Variants in UAP1 observed in about 807,000 individuals in gnomAD.
UAP1 encodes UDP-N-acetylhexosamine pyrophosphorylase.
Under a neutral mutation model 58.5 loss-of-function variants are expected in UAP1, and 25 were observed. The ratio of observed to expected loss-of-function variants is 0.43; its 90% confidence interval spans 0.31 to 0.60. The LOEUF is 0.60. Ranked by LOEUF, UAP1 falls within the 20% of genes least tolerant of loss-of-function variation. The pLI is 0.11. For missense variants in UAP1, 575 were observed against 630.0 expected, an observed-to-expected ratio of 0.91 and a Z score of 0.93; for synonymous variants, 208 against 213.0, an observed-to-expected ratio of 0.98 and a Z score of 0.21.
intron 9 of UAP1, among the ~76,000 whole-genome samples, chr1:162,595,310 G>A (rs1655552581): frequency 1.3e-5 from 2 of 152,050 alleles, no homozygotes; most frequent in Non-Finnish European, 2.9e-5. Flanking sequence ...TGTTTCTTGG[G>A]TTCACAACCA....
chr1:162,565,978 T>A, intron 1 of UAP1, 34 bp from the exon 2 acceptor site: 1 of 1,405,378 alleles, frequency 7.1e-7, no homozygotes, highest in South Asian at 1.4e-5. Context: ...GGAGGTTGGA[T>A]TTTGACATGC....
chr1:162,581,950 A>G (rs1054807093), intron 5 of UAP1, among the ~76,000 whole-genome samples: 1 of 152,220 alleles, frequency 6.6e-6, no homozygotes, highest in African/African-American at 2.4e-5. Flanking sequence ...TTGAATGACC[A>G]CACACAGACT....
At chr1:162,573,790 C>A (rs1297286328) in intron 2 of UAP1, among the ~76,000 whole-genome samples, 1 of 151,930 alleles carries the variant, frequency 6.6e-6, no homozygotes, top group African/African-American at 2.4e-5. Flanking sequence ...CATGGTGAGA[C>A]CCCTGTCTAC....
Position 162,589,299 on chromosome 1 carries a change from ATT to A in UAP1, c.1169+467_1169+468del, listed in dbSNP as rs1655154169. On this transcript the variant is annotated intron_variant, in intron 7 of 10. Coordinates refer to ENST00000271469, the Ensembl canonical transcript of UAP1. Reference sequence around the variant, plus strand: ...ATATATATAAATATATATTGTTTATATTATATATATAAATAAATATATATTTA... The same window carrying A: ...ATATATATAAATATATATTGTTTATAATATATATAAATAAATATATATTTA... Among the ~76,000 whole-genome samples, 5 of 134,034 alleles carry A rather than the reference ATT, an allele frequency of 3.7e-5. No individual in the cohort carries two copies. The South Asian group carries it at 1.1e-3, about 29-fold the overall frequency. The allele number at this position is 134,034 out of a possible 152,430, so 87.9% of individuals were successfully genotyped here.
intron 5 of UAP1, among the ~76,000 whole-genome samples, chr1:162,586,175 A>T (rs556727431): frequency 1.6e-4 from 24 of 152,318 alleles, no homozygotes; most frequent in African/African-American, 5.8e-4. Flanking sequence ...TATTTTAAGA[A>T]ATCAGTTGTT....
intron 1 of UAP1, 130 bp from the exon 2 acceptor site, chr1:162,565,882 T>C (rs1418271305): frequency 3.3e-6 from 2 of 609,486 alleles, no homozygotes; most frequent in South Asian, 2.1e-5. Context: ...CTTACAAATA[T>C]TGAGTGATGG....
At chr1:162,575,886 T>C (rs1654150200) in intron 2 of UAP1, among the ~76,000 whole-genome samples, 2 of 152,108 alleles carry the variant, frequency 1.3e-5, no homozygotes, top group East Asian at 3.9e-4. Context: ...TTTCGCTATG[T>C]TGGCCAGACT....
chr1:162,592,381 T>A (rs980331335), intron 8 of UAP1, among the ~76,000 whole-genome samples: 6 of 152,060 alleles, frequency 3.9e-5, no homozygotes, highest in Non-Finnish European at 8.8e-5. Flanking sequence ...AGAGTGAGAC[T>A]CCATCTCAAG....
chr1:162,588,894 T>TC, intron 7 of UAP1, 61 bp downstream of exon 7: 1 of 1,503,502 alleles, frequency 6.7e-7, no homozygotes, highest in Non-Finnish European at 8.9e-7. Context: ...CTTTTCACTC[T>TC]CTTAGGCATG....
exon 11 of UAP1, chr1:162,599,648 G>T (rs987593472): frequency 1.6e-5 from 4 of 250,484 alleles, no homozygotes; most frequent in Non-Finnish European, 3.0e-5. Flanking sequence ...TGAAATATAG[G>T]CAGGATGTTC....
chr1:162,593,180 C>A lies in UAP1; in HGVS notation c.1409+398C>A, dbSNP rs76120152. The A allele has an allele frequency of 2.4e-3, 440 of 187,182 alleles. 7 individuals are homozygous for A. The East Asian group carries it at 0.052, about 22-fold the overall frequency. The allele number at this position is 187,182 out of a possible 1,614,324, so 11.6% of individuals were successfully genotyped here. On this transcript the variant is annotated intron_variant, in intron 9 of 10. Coordinates refer to ENST00000271469, the Ensembl canonical transcript of UAP1. ...GAATTGGGTGTATGCTCTCAGTATACAGGCTGATTGTTCCTGTCATATTTG... is the reference window on the plus strand; with the variant it reads ...GAATTGGGTGTATGCTCTCAGTATAAAGGCTGATTGTTCCTGTCATATTTG...
chr1:162,592,842 A>C, intron 9 of UAP1, 60 bp downstream of exon 9: 3 of 1,426,436 alleles, frequency 2.1e-6, no homozygotes, highest in Non-Finnish European at 2.9e-6. Context: ...CTCCATACTA[A>C]CTGGCATCGT....
At chr1:162,582,493 A>G (rs1654650104) in intron 5 of UAP1, among the ~76,000 whole-genome samples, 1 of 152,228 alleles carries the variant, frequency 6.6e-6, no homozygotes, top group Non-Finnish European at 1.5e-5. Context: ...TTTATAAAAT[A>G]TGGCATTTTG....
Position 162,589,221 on chromosome 1 carries a change from T to TATAA in UAP1, c.1169+388_1169+389insATAA, listed in dbSNP as rs1344270858. ...ATATTATATTTAAATATATATAATA[T>TATAA]TTATATATTATATATAAATTTATAG... On this transcript the variant is annotated intron_variant, in intron 7 of 10. Transcript: ENST00000271469. Among the ~76,000 whole-genome samples the TATAA allele has an allele frequency of 2.3e-3, 273 of 116,280 alleles. 6 individuals are homozygous for TATAA. The East Asian group carries it at 0.049, about 21-fold the overall frequency. The allele number at this position is 116,280 out of a possible 152,430, so 76.3% of individuals were successfully genotyped here.
intron 2 of UAP1, among the ~76,000 whole-genome samples, chr1:162,576,251 A>T (rs1272029667): frequency 6.6e-6 from 1 of 152,014 alleles, no homozygotes; most frequent in Non-Finnish European, 1.5e-5. Context: ...AGGTAATTTG[A>T]TAGTGTCATC....
chr1:162,583,113 A>AT (rs1453766481), intron 5 of UAP1, among the ~76,000 whole-genome samples: 7 of 130,690 alleles, frequency 5.4e-5, no homozygotes, highest in Middle Eastern at 5.0e-3. Flanking sequence ...AGTAGCTGGG[A>AT]TTATAGGCAC....
chr1:162,584,351 C>T lies in UAP1; in HGVS notation c.834+2892C>T, dbSNP rs74116766. Among the ~76,000 whole-genome samples the T allele has an allele frequency of 9.6e-3, 1,467 of 152,212 alleles. 14 individuals carry two copies. Among genetic ancestry groups the T allele is most frequent in the African/African-American group, 0.033 (1,376 of 41,506 alleles). ...AAAATCTTTTAGAAATGTTAGAAGC[C>T]GTTTACATAATTGCTCCCCTGCCCT... On this transcript the variant is annotated intron_variant, in intron 5 of 10. Coordinates refer to ENST00000271469, the Ensembl canonical transcript of UAP1.
At chr1:162,584,904 C>T (rs1438627795) in intron 5 of UAP1, among the ~76,000 whole-genome samples, 3 of 152,132 alleles carry the variant, frequency 2.0e-5, no homozygotes, top group Non-Finnish European at 1.5e-5. Context: ...AGGTAGGAAC[C>T]ATTGTTAACT....
At position 162,581,346 on chromosome 1, in the gene UAP1, CAA is replaced by C; in HGVS notation, c.723_724del (p.Gly243HisfsTer10). ...CCAGAATATTGTGGAGGATATGGAG[CAA>C]AGAGGCATTTGGAGCATTCATGTCT... On this transcript the variant is annotated frameshift_variant, in exon 5 of 11. Transcript: ENST00000271469. LOFTEE classifies it high-confidence loss of function. The C allele has an allele frequency of 6.2e-7, 1 of 1,613,972 alleles. No homozygotes were observed. The highest frequency in any genetic ancestry group is 8.5e-7 in the Non-Finnish European group (1 of 1,179,930).
Sources: gnomAD v4.1 joint callset for allele counts (sites outside exome capture counted in the v4.1 genomes callset) on GRCh38, gnomAD v4.1.1 for gene constraint, MANE v1.5 for transcripts, NCBI Gene and HGNC (gene_info 2026-07-23, HGNC 2026-07-21) for gene names.